EXOC6: variants seen among roughly 807,000 people sequenced by gnomAD.
EXOC6 encodes exocyst complex component 6, also known as SEC15-like 1.
In EXOC6, 60 loss-of-function variants were observed where a neutral mutation model predicts 112.5. The ratio of observed to expected loss-of-function variants is 0.53; its 90% CI spans 0.43 to 0.66. The LOEUF (loss-of-function observed/expected upper bound fraction) is 0.66, where lower values mean the gene tolerates loss of function less well. Ranked by LOEUF, EXOC6 falls within the 30% of genes least tolerant of loss-of-function variation. EXOC6 has a pLI of 0.00. For missense variants in EXOC6, 855 were observed against 957.1 expected (o/e 0.89, Z 1.41); for synonymous variants, 295 against 308.0 (o/e 0.96, Z 0.44).
At chr10:93,007,377 G>A (rs1186667803) in intron 19 of EXOC6, among the ~76,000 whole-genome samples, 1 of 152,108 alleles carries the variant, frequency 6.6e-6, no homozygotes, top group African/African-American at 2.4e-5. Flanking sequence ...CCGGCTGGGC[G>A]CAATGGCTCA....
At position 92,954,748 on chromosome 10, in the gene EXOC6, TA is replaced by T; in HGVS notation, c.1638+12del. 8.2e-7 allele frequency: 1 copy of T among 1,224,540 alleles called. No homozygotes were observed. The highest frequency in any genetic ancestry group is 1.5e-5 in the African/African-American group (1 of 67,068). The allele number at this position is 1,224,540 out of a possible 1,614,324, so 75.9% of individuals were successfully genotyped here. A position where few individuals can be genotyped will look rare whatever the true frequency, so the allele number is the denominator to read the frequency against. On this transcript the variant is annotated splice_region_variant and intron_variant, in intron 16 of 21. Coordinates refer to ENST00000260762, the MANE Select transcript of EXOC6 (RefSeq NM_019053.6). ...TCATATAGGTTTGACAGAGGTAGGT[TA>T]AAAAGACACATATAGTGAAATGTTT...
intron 1 of EXOC6, among the ~76,000 whole-genome samples, chr10:92,857,623 TA>T (rs1847664903): frequency 6.6e-6 from 1 of 152,258 alleles, no homozygotes; most frequent in Non-Finnish European, 1.5e-5. Flanking sequence ...TTGTCCATTG[TA>T]TTACATATAT....
intron 9 of EXOC6, among the ~76,000 whole-genome samples, chr10:92,931,245 T>G (rs1308366668): frequency 1.3e-5 from 2 of 151,626 alleles, no homozygotes; most frequent in Non-Finnish European, 2.9e-5. Flanking sequence ...ACTCAGTAAT[T>G]GAAGACCAAT....
At chr10:92,896,182 T>TA (rs1432590399) in intron 4 of EXOC6, among the ~76,000 whole-genome samples, 20 of 1,398 alleles carry the variant, frequency 0.014, no homozygotes, top group Admixed American at 0.053. Flanking sequence ...TATATATATA[T>TA]TTTTTTTTTT....
chr10:92,868,815 CTT>C (rs370569114), intron 1 of EXOC6, among the ~76,000 whole-genome samples: 14 of 135,866 alleles, frequency 1.0e-4, no homozygotes, highest in Middle Eastern at 4.0e-3. Flanking sequence ...CTCCCTCCCT[CTT>C]TTTTTTTTTT....
At chr10:92,834,423 ATAGT>A (rs1373181574), upstream of EXOC6, among the ~76,000 whole-genome samples, 5 of 152,230 alleles carry the variant, frequency 3.3e-5, no homozygotes, top group Non-Finnish European at 7.3e-5. Flanking sequence ...ATTCCTACAT[ATAGT>A]TATTGTCTTT....
At chr10:93,049,500 A>G (rs1345150415) in intron 20 of EXOC6, among the ~76,000 whole-genome samples, 6 of 152,262 alleles carry the variant, frequency 3.9e-5, no homozygotes, top group Non-Finnish European at 8.8e-5. Flanking sequence ...CTACAACGTG[A>G]TGAACCTTGA....
intron 18 of EXOC6, among the ~76,000 whole-genome samples, chr10:92,976,147 C>T (rs1182523040): frequency 2.0e-5 from 3 of 152,020 alleles, no homozygotes; most frequent in African/African-American, 4.8e-5. Context: ...GCCCCTCTGC[C>T]GGGCCACCAC....
intron 20 of EXOC6, among the ~76,000 whole-genome samples, chr10:93,052,551 T>G (rs755839342): frequency 3.9e-5 from 6 of 152,232 alleles, no homozygotes; most frequent in Non-Finnish European, 5.9e-5. Flanking sequence ...AGATTAGTTA[T>G]GAAGGGTATT....
chr10:93,011,788 T>C (rs1253775711), intron 19 of EXOC6, among the ~76,000 whole-genome samples: 1 of 152,178 alleles, frequency 6.6e-6, no homozygotes, highest in African/African-American at 2.4e-5. Context: ...GCAACTCAGC[T>C]ACCTAGGGCA....
intron 20 of EXOC6, among the ~76,000 whole-genome samples, chr10:93,020,394 C>CATAATAATA (rs77815473): frequency 2.5e-4 from 38 of 151,116 alleles, no homozygotes; most frequent in African/African-American, 5.6e-4. Flanking sequence ...TGATTCAAAC[C>CATAATAATA]ATAATAATAA....
intron 1 of EXOC6, among the ~76,000 whole-genome samples, chr10:92,873,804 A>G (rs926314952): frequency 6.6e-6 from 1 of 152,076 alleles, no homozygotes; most frequent in Non-Finnish European, 1.5e-5. Context: ...TAATACCAGC[A>G]CTTTGGGAGG....
chr10:93,023,111 C>A (rs1844861810), intron 20 of EXOC6, among the ~76,000 whole-genome samples: 1 of 81,638 alleles, frequency 1.2e-5, no homozygotes, highest in Non-Finnish European at 2.0e-5. Flanking sequence ...AGGGGTCATG[C>A]TTCTGTTTTT....
At position 93,015,133 on chromosome 10, in the gene EXOC6, A is replaced by C. The variant is rs144531081; in HGVS notation, c.2169+866A>C. 2.6e-3 allele frequency among the ~76,000 whole-genome samples: 394 copies of C among 152,266 alleles called. 1 individual carries two copies. Among genetic ancestry groups the C allele is most frequent in the Non-Finnish European group, 3.6e-3 (243 of 68,014 alleles). On this transcript the variant is annotated intron_variant, in intron 20 of 21. Coordinates refer to ENST00000260762, the MANE Select transcript of EXOC6 (RefSeq NM_019053.6). ...ATTAAAACAAAGCCACTGTGGTATC[A>C]GTCTATTAATGGTTCCCATTCCCTT...
chr10:92,972,426 G>C, intron 17 of EXOC6, among the ~76,000 whole-genome samples: 1 of 152,170 alleles, frequency 6.6e-6, no homozygotes, highest in East Asian at 1.9e-4. Context: ...GCACAAGGTG[G>C]GGTGGAGCTG....
Position 93,028,494 on chromosome 10 carries a change from G to GT in EXOC6, c.2169+14234dup, listed in dbSNP as rs534636347. Among the ~76,000 whole-genome samples, 46 of 152,100 alleles carry GT rather than the reference G, an allele frequency of 3.0e-4. 1 individual carries two copies. In the South Asian group the frequency reaches 8.3e-3, roughly 27 times the overall value. The stretch of plus-strand genomic sequence containing the variant: ...CTTCTAACGGATAAGCAGGGAAAGT[G>GT]TTTTTTTGAGATGGAATCTACCCCT... On this transcript the variant is annotated intron_variant, in intron 20 of 21. Transcript: ENST00000260762.
At chr10:92,948,228 T>C (rs752722375) in intron 13 of EXOC6, 46 bp from the exon 14 acceptor site, 1 of 1,261,948 alleles carries the variant, frequency 7.9e-7, no homozygotes, top group Non-Finnish European at 1.1e-6. Context: ...AGTACTCTAA[T>C]AATATGCTTT....
intron 4 of EXOC6, among the ~76,000 whole-genome samples, chr10:92,898,812 G>A (rs939473503): frequency 1.3e-5 from 2 of 152,104 alleles, no homozygotes; most frequent in African/African-American, 4.8e-5. Flanking sequence ...AGACCCCTAG[G>A]AGGAGTCATA....
At chr10:92,964,832 G>A (rs1841978353) in intron 17 of EXOC6, among the ~76,000 whole-genome samples, 1 of 152,052 alleles carries the variant, frequency 6.6e-6, no homozygotes, top group South Asian at 2.1e-4. Context: ...ATGCAATTTT[G>A]GCCTCATCGT....
Sources: allele counts gnomAD v4.1 joint callset (sites outside exome capture counted in the v4.1 genomes callset), GRCh38; gene constraint gnomAD v4.1.1; transcripts MANE v1.5; gene names NCBI Gene and HGNC (gene_info 2026-07-23, HGNC 2026-07-21).